Variants in MTIF2 observed in about 807,000 individuals in gnomAD.
The protein encoded by MTIF2 is mitochondrial translational initiation factor 2.
A neutral mutation model predicts 83.5 loss-of-function variants in MTIF2; 71 were observed. The observed-to-expected ratio is 0.85, with a 90% confidence interval of 0.70 to 1.04. MTIF2 has a LOEUF of 1.04. Ranked by LOEUF, MTIF2 falls within the 50% of genes least tolerant of loss-of-function variation. MTIF2 has a pLI of 0.00. For synonymous variants in MTIF2, 319 were observed against 287.1 expected (o/e 1.11, Z -1.12); for missense variants, 957 against 846.5 (o/e 1.13, Z -1.62).
At chr2:55,250,435 C>A (rs1217850373) in intron 8 of MTIF2, among the ~76,000 whole-genome samples, 3 of 149,798 alleles carry the variant, frequency 2.0e-5, no homozygotes, top group Admixed American at 6.6e-5. Flanking sequence ...AAAAAAAAAT[C>A]ATGGGAAGAT....
chr2:55,268,668 A>G lies in MTIF2; in HGVS notation c.-165T>C, dbSNP rs1031293804. On this transcript the variant is annotated 5_prime_UTR_variant, in exon 2 of 16. Coordinates refer to ENST00000263629, the MANE Select transcript of MTIF2 (RefSeq NM_002453.3). ...GTCATACCGCTAGTTAATGGCAGTC[A>G]AGACTAGAACCCAGACGTTCTGACT... 6.6e-6 allele frequency: 1 copy of G among 152,292 alleles called. No individual in the cohort carries two copies. The highest frequency in any genetic ancestry group is 2.4e-5 in the African/African-American group (1 of 41,460). 9.4% of individuals were successfully genotyped at this position (152,292 alleles called of 1,614,324 possible).
At chr2:55,243,249 G>A (rs1048289277) in intron 12 of MTIF2, among the ~76,000 whole-genome samples, 167 bp downstream of exon 12, 2 of 152,064 alleles carry the variant, frequency 1.3e-5, no homozygotes, top group Admixed American at 6.6e-5. Context: ...AGCATATAAT[G>A]AGCCAAACGT....
chr2:55,256,252 T>C (rs1025554655), intron 5 of MTIF2, among the ~76,000 whole-genome samples: 4 of 151,820 alleles, frequency 2.6e-5, no homozygotes, highest in Admixed American at 2.6e-4. Flanking sequence ...CTAAAATAAA[T>C]AATCCACTTA....
rs757098696 is a variant in MTIF2, at chr2:55,243,043, A to C, written c.1602T>G (p.Ile534Met). ...VDGSVEAILN[I>M]IDTYDASHEC... ...CGTGTGAAGCATCATAGGTATCTAT[A>C]ATGTTCAAAATGGCCTCAACAGAAC... Residue 534 changes from isoleucine to methionine, a missense_variant, in exon 13 of 16, where the codon ATT (isoleucine) becomes ATG (methionine). Ile to Met is a conservative substitution (Grantham distance 10). This residue lies in a region of MTIF2 where 733 missense variants were observed against 648.7 expected (regional missense o/e 1.13). Transcript: ENST00000263629. The C allele has an allele frequency of 6.2e-7, 1 of 1,610,868 alleles. No individual in the cohort carries two copies. Among genetic ancestry groups the C allele is most frequent in the African/African-American group, 1.3e-5 (1 of 74,840 alleles).
intron 5 of MTIF2, among the ~76,000 whole-genome samples, chr2:55,258,811 CAAA>C (rs368542489): frequency 1.5e-4 from 10 of 67,258 alleles, no homozygotes; most frequent in African/African-American, 6.2e-5. Flanking sequence ...GCCTCTGTCT[CAAA>C]AAAAAAAAAA....
At chr2:55,261,333 G>A (rs1310446859) in intron 5 of MTIF2, among the ~76,000 whole-genome samples, 1 of 152,134 alleles carries the variant, frequency 6.6e-6, no homozygotes, top group Non-Finnish European at 1.5e-5. Context: ...GGCTGGGCAT[G>A]GTGGGATCAC....
Position 55,262,399 on chromosome 2 carries a change from G to A in MTIF2, c.248C>T (p.Ser83Phe), listed in dbSNP as rs1292313353. The change falls in exon 5 of 16, where the codon TCT becomes TTT. Residue 83 changes from serine to phenylalanine, a missense_variant. Around this residue, in one of 3 missense-constraint regions of MTIF2, gnomAD observed 733 missense variants for 648.7 expected, o/e 1.13. Coordinates refer to ENST00000263629, the MANE Select transcript of MTIF2 (RefSeq NM_002453.3). The part of the protein sequence containing the change: ...KEEGPWKSQL[S>F]STKSKKVVEV... Reference sequence around the variant, plus strand: ...TACCACCTTTTTAGATTTTGTTGAAGATAACTGAGATTTCCATGGTCCTTC... The same window carrying A: ...TACCACCTTTTTAGATTTTGTTGAAAATAACTGAGATTTCCATGGTCCTTC... 3.7e-6 allele frequency: 6 copies of A among 1,612,398 alleles called. No homozygotes were observed. The African/African-American group carries it at 4.0e-5, about 11-fold the overall frequency.
intron 3 of MTIF2, among the ~76,000 whole-genome samples, chr2:55,267,050 G>A (rs1313397478): frequency 3.9e-5 from 6 of 151,910 alleles, no homozygotes; most frequent in African/African-American, 9.7e-5. Flanking sequence ...GATTACAGGC[G>A]TGAGCCACCA....
chr2:55,263,808 AAT>A lies in MTIF2; in HGVS notation c.49_50del (p.Ile17LeufsTer2). Reference sequence around the variant, plus strand: ...GACACAGACTGTGCAGTTGCCTATAAATAGTGTGAAATCGTAGCAAGTTCTCC... The same window carrying A: ...GACACAGACTGTGCAGTTGCCTATAAAGTGTGAAATCGTAGCAAGTTCTCC... ...KLENLLRFHTIYRQLHSLCQR... is the reference protein window; with the variant it reads ...KLENLLRFHTXYRQLHSLCQR... On this transcript the variant is annotated frameshift_variant, in exon 4 of 16. Transcript: ENST00000263629. LOFTEE classifies it high-confidence loss of function. 6.2e-7 allele frequency: 1 copy of A among 1,614,152 alleles called. No individual in the cohort carries two copies. The highest frequency in any genetic ancestry group is 8.5e-7 in the Non-Finnish European group (1 of 1,180,018).
In MTIF2 at chr2:55,243,659, G is replaced by A. The variant is rs776517611; in HGVS notation, c.1321C>T (p.Arg441Cys). 14 of 1,612,650 alleles carry A rather than the reference G, an allele frequency of 8.7e-6. No homozygotes were observed. In the East Asian group the frequency reaches 2.5e-4, roughly 28 times the overall value. The change falls in exon 12 of 16, where the codon CGT (arginine) becomes TGT (cysteine). Residue 441 changes from arginine to cysteine, a missense_variant. Physicochemically the swap from Arg to Cys is radical, Grantham distance 180 (BLOSUM62 -3). Around this residue, in one of 3 missense-constraint regions of MTIF2, gnomAD observed 733 missense variants for 648.7 expected, o/e 1.13. Transcript: ENST00000263629. ...ILEVESEPRA[R>C]EVVDWRKYEQ... ...TATTTCCTCCAGTCAACAACTTCAC[G>A]TGCCCTTGGCTTTATAGGGGAAAAA... is the stretch of plus-strand genomic sequence containing the variant.
chr2:55,263,542 G>T, intron 4 of MTIF2, 98 bp downstream of exon 4: 1 of 880,042 alleles, frequency 1.1e-6, no homozygotes, highest in South Asian at 1.7e-5. Flanking sequence ...CCCAAGAGGC[G>T]TAGGTTGCGG....
intron 10 of MTIF2, among the ~76,000 whole-genome samples, chr2:55,245,343 G>A (rs1039705867): frequency 5.9e-5 from 9 of 152,096 alleles, no homozygotes; most frequent in African/African-American, 2.2e-4. Context: ...TCAACATGGT[G>A]AAAATCCTGT....
At chr2:55,255,444 AATAT>A (rs199595431) in intron 5 of MTIF2, among the ~76,000 whole-genome samples, 1 of 146,276 alleles carries the variant, frequency 6.8e-6, no homozygotes, top group African/African-American at 2.5e-5. Flanking sequence ...TATTATGTAT[AATAT>A]ATATATATAA....
At chr2:55,263,578 C>A in intron 4 of MTIF2, 62 bp downstream of exon 4, 6 of 1,359,750 alleles carry the variant, frequency 4.4e-6, no homozygotes, top group Non-Finnish European at 6.0e-6. Context: ...CCACGGCACT[C>A]CAGCCGGGGT....
At chr2:55,262,035 G>A (rs1678043023) in intron 5 of MTIF2, among the ~76,000 whole-genome samples, 1 of 151,620 alleles carries the variant, frequency 6.6e-6, no homozygotes. Flanking sequence ...ACATTCTTTG[G>A]ATTTATTCTA....
chr2:55,261,004 T>A (rs1677925309), intron 5 of MTIF2, among the ~76,000 whole-genome samples: 1 of 151,920 alleles, frequency 6.6e-6, no homozygotes, highest in Non-Finnish European at 1.5e-5. Flanking sequence ...TTTTTTTTTT[T>A]AAGATGGAGT....
At chr2:55,245,652 G>A (rs1452904765) in intron 10 of MTIF2, among the ~76,000 whole-genome samples, 2 of 152,028 alleles carry the variant, frequency 1.3e-5, no homozygotes, top group Non-Finnish European at 2.9e-5. Flanking sequence ...AGTTCAACAC[G>A]TCTGTTGCAC....
chr2:55,267,049 C>G (rs933735302), intron 3 of MTIF2, among the ~76,000 whole-genome samples: 1 of 151,808 alleles, frequency 6.6e-6, no homozygotes, highest in African/African-American at 2.4e-5. Flanking sequence ...GGATTACAGG[C>G]GTGAGCCACC....
In MTIF2 at chr2:55,240,079, C is replaced by A. The variant is rs186600074; in HGVS notation, c.1802G>T (p.Arg601Leu). The A allele has an allele frequency of 8.7e-6, 14 of 1,613,636 alleles. No individual in the cohort carries two copies. The highest frequency in any genetic ancestry group is 1.1e-5 in the Non-Finnish European group (13 of 1,180,008). Residue 601 changes from arginine to leucine, a missense_variant, in exon 14 of 16, where the codon CGT (arginine) becomes CTT (leucine). Around this residue, in one of 3 missense-constraint regions of MTIF2, gnomAD observed 221 missense variants for 180.6 expected, o/e 1.22. Transcript: ENST00000263629. ...VKIKLHKIIY[R>L]LVEDLQEELS... ...TTCCTCTTGCAAATCTTCAACAAGA[C>A]GGTAAATTATTTTGTGAAGTTTAAT...
Sources: gnomAD v4.1 joint callset for allele counts (sites outside exome capture counted in the v4.1 genomes callset) on GRCh38, gnomAD v4.1.1 for gene constraint, gnomAD v4.1.1 regional missense constraint, MANE v1.5 for transcripts, NCBI Gene and HGNC (gene_info 2026-07-23, HGNC 2026-07-21) for gene names.